The following IGSF11 variants were observed in gnomAD, a reference collection of about 807,000 sequenced individuals.
The protein encoded by IGSF11 is CXADR like 1.
In IGSF11, 22 loss-of-function variants were observed where a neutral mutation model predicts 41.0. The observed-to-expected ratio is 0.54, with a 90% CI of 0.38 to 0.77. The LOEUF (loss-of-function observed/expected upper bound fraction) is 0.77. Among genes scored for constraint, IGSF11 ranks in the 30% least tolerant of loss-of-function variants. The probability of loss-of-function intolerance (pLI) is 0.00; values close to 1 mark genes in which losing one functional copy is unlikely to be tolerated. For missense variants in IGSF11, 444 were observed against 530.8 expected, an observed-to-expected ratio of 0.84 and a Z score of 1.61; for synonymous variants, 219 against 201.3, an observed-to-expected ratio of 1.09 and a Z score of -0.74.
At chr3:119,035,213 C>G, upstream of IGSF11, among the ~76,000 whole-genome samples, 1 of 152,234 alleles carries the variant, frequency 6.6e-6, no homozygotes, top group East Asian at 1.9e-4. Flanking sequence ...CCACAGCCTT[C>G]CTCTGAGCCT....
At chr3:119,039,698 C>G (rs947975252), upstream of IGSF11, among the ~76,000 whole-genome samples, 6 of 152,126 alleles carry the variant, frequency 3.9e-5, no homozygotes, top group Non-Finnish European at 5.9e-5. Flanking sequence ...TAATGACCTC[C>G]TCAATGTTTC....
chr3:119,128,040 C>A (rs1050533102), intron 1 of IGSF11, among the ~76,000 whole-genome samples: 15 of 152,184 alleles, frequency 9.9e-5, no homozygotes, highest in Non-Finnish European at 2.2e-4. Flanking sequence ...CATGATCAAA[C>A]TCCAAACGTA....
intron 1 of IGSF11, among the ~76,000 whole-genome samples, chr3:119,017,739 T>G (rs894071242): frequency 6.6e-6 from 1 of 151,644 alleles, no homozygotes; most frequent in Admixed American, 6.6e-5. Context: ...AATTATAAAC[T>G]CAGTGGAGGC....
intron 1 of IGSF11, among the ~76,000 whole-genome samples, chr3:118,988,191 GA>G (rs1935440897): frequency 6.6e-6 from 1 of 152,180 alleles, no homozygotes; most frequent in Non-Finnish European, 1.5e-5. Flanking sequence ...AAAGCAAAGA[GA>G]ATGTCAATAT....
At chr3:118,964,737 A>G (rs941980996) in intron 1 of IGSF11, among the ~76,000 whole-genome samples, 2 of 152,178 alleles carry the variant, frequency 1.3e-5, no homozygotes, top group African/African-American at 4.8e-5. Context: ...AACTCATTCT[A>G]ATGTTTGAAT....
At chr3:119,018,800 G>A (rs959178547) in intron 1 of IGSF11, among the ~76,000 whole-genome samples, 1 of 152,212 alleles carries the variant, frequency 6.6e-6, no homozygotes, top group Non-Finnish European at 1.5e-5. Context: ...GACACTAAAA[G>A]AAGAAATGTG....
At chr3:119,132,348 T>A (rs1477100164) in intron 1 of IGSF11, among the ~76,000 whole-genome samples, 2 of 87,144 alleles carry the variant, frequency 2.3e-5, no homozygotes, top group Non-Finnish European at 4.2e-5. Flanking sequence ...AATAAAGGGA[T>A]GGAGGAAGGT....
chr3:119,117,835 G>A (rs144483798), intron 1 of IGSF11, among the ~76,000 whole-genome samples: 57 of 152,298 alleles, frequency 3.7e-4, no homozygotes, highest in African/African-American at 1.4e-3. Context: ...CATCCCAAAT[G>A]GGAAAAATTG....
At chr3:118,905,754 G>A (rs767326237) in intron 4 of IGSF11, 36 bp from the exon 5 acceptor site, 82 of 1,610,318 alleles carry the variant, frequency 5.1e-5, no homozygotes, top group African/African-American at 2.8e-4. Context: ...AGGATTTGGC[G>A]GGACTAATAG....
chr3:119,144,734 T>C (rs1182191293), intron 1 of IGSF11, among the ~76,000 whole-genome samples: 1 of 152,166 alleles, frequency 6.6e-6, no homozygotes, highest in Non-Finnish European at 1.5e-5. Flanking sequence ...GTAAAATATA[T>C]ACATACCTAT....
intron 1 of IGSF11, among the ~76,000 whole-genome samples, chr3:118,977,642 C>A (rs756124961): frequency 1.3e-5 from 2 of 152,106 alleles, no homozygotes; most frequent in Admixed American, 6.5e-5. Context: ...TTGGAACTCC[C>A]CAGTGTGGAG....
chr3:119,069,027 T>C (rs1467320329), intron 1 of IGSF11, among the ~76,000 whole-genome samples: 2 of 150,224 alleles, frequency 1.3e-5, no homozygotes, highest in Non-Finnish European at 3.0e-5. Flanking sequence ...ACCAGGTTCA[T>C]GCCATTCTCC....
chr3:118,954,364 C>T (rs1255865625), intron 1 of IGSF11, among the ~76,000 whole-genome samples: 1 of 152,076 alleles, frequency 6.6e-6, no homozygotes, highest in African/African-American at 2.4e-5. Context: ...GTTCTTTTTA[C>T]TTAGCCTTGT....
At chr3:118,966,501 C>T (rs1406170083) in intron 1 of IGSF11, among the ~76,000 whole-genome samples, 1 of 152,072 alleles carries the variant, frequency 6.6e-6, no homozygotes, top group East Asian at 1.9e-4. Flanking sequence ...GGTAAGTTTA[C>T]CAAAAGACAT....
rs1252478652 is a variant in IGSF11 at position 118,902,953 on chromosome 3, T to A, written c.863A>T (p.Asp288Val). ...EEIPNEIRED[D>V]LPPKCSSAKA... ...GGCAGAAGAACACTTGGGTGGAAGA[T>A]CATCCTCTCTGAAAGGAACAAAATA... Residue 288 changes from aspartate to valine, a missense_variant, in exon 7 of 7, where the codon GAT becomes GTT. Asp to Val is a radical substitution (Grantham distance 152, BLOSUM62 -3). This residue lies in a region of IGSF11 where 223 missense variants were observed against 226.2 expected (regional missense o/e 0.99). Coordinates refer to ENST00000393775, the MANE Select transcript of IGSF11 (RefSeq NM_001015887.3). 1 of 1,613,330 alleles carries A rather than the reference T, an allele frequency of 6.2e-7. No homozygotes were observed. Among genetic ancestry groups the A allele is most frequent in the Non-Finnish European group, 8.5e-7 (1 of 1,179,414 alleles).
At chr3:118,996,615 G>GT (rs1198474496) in intron 1 of IGSF11, among the ~76,000 whole-genome samples, 10 of 150,048 alleles carry the variant, frequency 6.7e-5, no homozygotes, top group African/African-American at 1.5e-4. Context: ...TTTTGTTTTT[G>GT]TTTTTTTTGA....
intron 1 of IGSF11, among the ~76,000 whole-genome samples, chr3:119,049,899 A>C (rs1363415328): frequency 3.4e-5 from 5 of 147,880 alleles, no homozygotes; most frequent in Non-Finnish European, 6.0e-5. Flanking sequence ...GCAATGGGGA[A>C]AGGATTCCCT....
At chr3:118,917,725 GA>G (rs1231283753) in intron 4 of IGSF11, among the ~76,000 whole-genome samples, 1 of 147,204 alleles carries the variant, frequency 6.8e-6, no homozygotes, top group Non-Finnish European at 1.5e-5. Context: ...CCAATCAATA[GA>G]AAAAGAGGGA....
Position 119,045,550 on chromosome 3 carries a change from G to A in IGSF11, c.49+59594C>T, listed in dbSNP as rs539924708. The stretch of plus-strand genomic sequence containing the variant: ...GCAGTCTGAGATCAAACTGCAAGGC[G>A]GCAGTGAGGCTGGGGGAGGGGCGCC... On this transcript the variant is annotated intron_variant, in intron 1 of 6. Coordinates refer to the IGSF11 transcript ENST00000354673. 4.0e-4 allele frequency among the ~76,000 whole-genome samples: 61 copies of A among 152,266 alleles called. 1 individual carries two copies. Among genetic ancestry groups the A allele is most frequent in the Admixed American group, 2.6e-4 (4 of 15,294 alleles).
Sources: allele counts gnomAD v4.1 joint callset (sites outside exome capture counted in the v4.1 genomes callset), GRCh38; gene constraint gnomAD v4.1.1; regional missense constraint gnomAD v4.1.1; transcripts MANE v1.5; gene names NCBI Gene and HGNC (gene_info 2026-07-23, HGNC 2026-07-21).